RYK: variants seen among roughly 807,000 people sequenced by gnomAD.
RYK encodes the protein inactive tyrosine-protein kinase RYK.
A neutral mutation model predicts 70.2 loss-of-function variants in RYK; 21 were observed. The observed-to-expected ratio is 0.30, with a 90% CI of 0.21 to 0.43. RYK has a LOEUF of 0.43. RYK is among the 20% of genes least tolerant of loss of function. The pLI is 1.00. For synonymous variants in RYK, 267 were observed against 278.0 expected (o/e 0.96, Z 0.39); for missense variants, 604 against 753.3 (o/e 0.80, Z 2.32).
chr3:134,231,125 T>C lies in RYK; in HGVS notation c.233-8586A>G, dbSNP rs552422128. ...CACAGTTCAAAGTATCAAGAGCATC[T>C]AGGAGTTCTGTAAATTCAACTCCAT... On this transcript the variant is annotated intron_variant, in intron 1 of 14. Coordinates refer to ENST00000623711, the MANE Select transcript of RYK (RefSeq NM_002958.4). 8.1e-4 allele frequency among the ~76,000 whole-genome samples: 122 copies of C among 149,922 alleles called. 5 individuals carry two copies. The South Asian group carries it at 0.025, about 30-fold the overall frequency.
chr3:134,212,802 C>A (rs980604290), intron 2 of RYK, among the ~76,000 whole-genome samples: 2 of 152,134 alleles, frequency 1.3e-5, no homozygotes, highest in African/African-American at 4.8e-5. Flanking sequence ...GGCGTTGTTA[C>A]CCATGAATAA....
intron 6 of RYK, among the ~76,000 whole-genome samples, chr3:134,200,100 T>C (rs1365297491): frequency 2.0e-5 from 3 of 151,730 alleles, no homozygotes; most frequent in Non-Finnish European, 4.4e-5. Flanking sequence ...TGGGGCCAAA[T>C]AAGGGAAAAA....
At chr3:134,204,234 C>G (rs2014128543) in intron 5 of RYK, among the ~76,000 whole-genome samples, 1 of 152,206 alleles carries the variant, frequency 6.6e-6, no homozygotes. Flanking sequence ...GTGGCTCACA[C>G]CTGTAATCCC....
At position 134,211,831 on chromosome 3, in the gene RYK, C is replaced by T. The variant is rs115204991; in HGVS notation, c.355-224G>A. ...CTCTATTTTAAGTCCACAACAGGAC[C>T]ACCACTCTTCCATAAAACCTGCCAT... On this transcript the variant is annotated intron_variant, in intron 2 of 14. Coordinates refer to ENST00000623711, the MANE Select transcript of RYK (RefSeq NM_002958.4). Among the ~76,000 whole-genome samples the T allele has an allele frequency of 2.9e-3, 449 of 152,278 alleles. 1 individual carries two copies. Among genetic ancestry groups the T allele is most frequent in the African/African-American group, 0.01 (420 of 41,540 alleles).
intron 13 of RYK, among the ~76,000 whole-genome samples, chr3:134,169,846 C>CT (rs2012831083): frequency 1.3e-5 from 2 of 152,112 alleles, no homozygotes; most frequent in South Asian, 2.1e-4. Flanking sequence ...TGTGTATAGA[C>CT]TCTGGTGGAA....
At chr3:134,239,016 T>G (rs1348797577) in intron 1 of RYK, among the ~76,000 whole-genome samples, 1 of 152,140 alleles carries the variant, frequency 6.6e-6, no homozygotes, top group Non-Finnish European at 1.5e-5. Context: ...TAAGGTAGCC[T>G]CGGTGCAGTA....
At chr3:134,218,959 C>A (rs1260521496) in intron 2 of RYK, among the ~76,000 whole-genome samples, 2 of 152,034 alleles carry the variant, frequency 1.3e-5, no homozygotes, top group East Asian at 3.9e-4. Context: ...ACATTTCTGG[C>A]CTAGACATGA....
chr3:134,177,683 G>C (rs189925578), intron 11 of RYK, among the ~76,000 whole-genome samples: 1 of 152,122 alleles, frequency 6.6e-6, no homozygotes, highest in Non-Finnish European at 1.5e-5. Flanking sequence ...CATTACAAAG[G>C]GTTTGAGTTG....
intron 10 of RYK, chr3:134,179,291 T>G (rs1347799415): frequency 6.6e-6 from 1 of 152,236 alleles, no homozygotes; most frequent in South Asian, 2.1e-4. Context: ...TAATTGAGCA[T>G]GTATCACTTT....
At position 134,175,934 on chromosome 3, in the gene RYK, A is replaced by C; in HGVS notation, c.1411T>G (p.Cys471Gly). ...CGTCAAGCTCATGGCACCTACACAC[A>C]GTTCCTGGCAGCCAGGTCTTTGTGG... ...VIHKDLAARN[C>G]VIDDTLQVKI... The change falls in exon 12 of 15, where the codon TGT becomes GGT. Residue 471 changes from cysteine to glycine, a missense_variant. Coordinates refer to ENST00000623711, the MANE Select transcript of RYK (RefSeq NM_002958.4). 3.1e-6 allele frequency: 5 copies of C among 1,604,754 alleles called. No homozygotes were observed. Among genetic ancestry groups the C allele is most frequent in the Non-Finnish European group, 4.3e-6 (5 of 1,174,376 alleles).
At chr3:134,235,303 G>A (rs1263134301) in intron 1 of RYK, among the ~76,000 whole-genome samples, 4 of 149,504 alleles carry the variant, frequency 2.7e-5, no homozygotes, top group Admixed American at 2.0e-4. Flanking sequence ...TTAATATATG[G>A]CATTTTTCTT....
intron 11 of RYK, among the ~76,000 whole-genome samples, chr3:134,176,943 G>A (rs2013124669): frequency 6.6e-6 from 1 of 152,076 alleles, no homozygotes; most frequent in Non-Finnish European, 1.5e-5. Context: ...AGCTACTCGG[G>A]AGGCTGAGGC....
At chr3:134,171,191 T>C (rs956041059) in intron 13 of RYK, 1 of 152,252 alleles carries the variant, frequency 6.6e-6, no homozygotes, top group African/African-American at 2.4e-5. Context: ...AGCTGCCACA[T>C]GAACAAGCAA....
intron 9 of RYK, among the ~76,000 whole-genome samples, chr3:134,187,484 A>C (rs2013501914): frequency 6.6e-6 from 1 of 152,160 alleles, no homozygotes; most frequent in South Asian, 2.1e-4. Context: ...GATAGACATT[A>C]AGCACCCTAT....
At position 134,157,528 on chromosome 3, in the gene RYK, C is replaced by G. The variant is rs2012286044; in HGVS notation, c.*625G>C. 1 of 152,194 alleles carries G rather than the reference C, an allele frequency of 6.6e-6. No individual in the cohort carries two copies. Among genetic ancestry groups the G allele is most frequent in the Non-Finnish European group, 1.5e-5 (1 of 68,026 alleles). 9.4% of individuals were successfully genotyped at this position (152,194 alleles called of 1,614,324 possible). ...ATTCCTTTTCACTGAAAAAAATAAA[C>G]AGTTTTCCATGCAAGGGCAGTTTGC... is the stretch of plus-strand genomic sequence containing the variant. On this transcript the variant is annotated 3_prime_UTR_variant, in exon 15 of 15. Transcript: ENST00000623711.
chr3:134,222,061 T>C (rs1270984082), intron 2 of RYK, among the ~76,000 whole-genome samples: 3 of 152,144 alleles, frequency 2.0e-5, no homozygotes, highest in Non-Finnish European at 2.9e-5. Flanking sequence ...AAGCCTATCT[T>C]ACCAATCTCC....
intron 4 of RYK, among the ~76,000 whole-genome samples, chr3:134,209,485 T>C (rs539011061): frequency 6.6e-6 from 1 of 152,302 alleles, no homozygotes; most frequent in Admixed American, 6.5e-5. Context: ...GACAAAAGAT[T>C]TGAGAAAGCA....
At chr3:134,193,405 G>C (rs1036564370) in intron 7 of RYK, among the ~76,000 whole-genome samples, 2 of 152,126 alleles carry the variant, frequency 1.3e-5, no homozygotes, top group Non-Finnish European at 2.9e-5. Flanking sequence ...GGATGGTCTT[G>C]ATCTCCTGAC....
In RYK at chr3:134,186,559, C is replaced by T. The variant is rs114835003; in HGVS notation, c.1102+2278G>A. Among the ~76,000 whole-genome samples the T allele has an allele frequency of 2.9e-3, 447 of 152,256 alleles. 1 individual carries two copies. Among genetic ancestry groups the T allele is most frequent in the African/African-American group, 0.01 (418 of 41,536 alleles). ...TGAGGCAATGCACTTCCCCTCTGTC[C>T]CCCATAAGGACTCACTGTGCTTTCT... On this transcript the variant is annotated intron_variant, in intron 9 of 14. Coordinates refer to ENST00000623711, the MANE Select transcript of RYK (RefSeq NM_002958.4).
Sources: gnomAD v4.1 joint callset for allele counts (sites outside exome capture counted in the v4.1 genomes callset) on GRCh38, gnomAD v4.1.1 for gene constraint, MANE v1.5 for transcripts, NCBI Gene and HGNC (gene_info 2026-07-23, HGNC 2026-07-21) for gene names.